Variants in LRIF1 observed in about 807,000 individuals in gnomAD.
LRIF1 encodes ligand-dependent nuclear receptor-interacting factor 1.
Under a neutral mutation model 52.7 loss-of-function variants are expected in LRIF1, and 32 were observed. That is an observed-to-expected ratio of 0.61 (90% CI 0.46 to 0.82). LRIF1 has a LOEUF of 0.82. Among genes scored for constraint, LRIF1 ranks in the 40% least tolerant of loss-of-function variants. The pLI is 0.00. For missense variants in LRIF1, 887 were observed against 892.0 expected (o/e 0.99, Z 0.07); for synonymous variants, 323 against 317.4 (o/e 1.02, Z -0.19).
chr1:110,954,826 G>C (rs1222177742), intron 1 of LRIF1, among the ~76,000 whole-genome samples: 1 of 152,160 alleles, frequency 6.6e-6, no homozygotes, highest in African/African-American at 2.4e-5. Flanking sequence ...AAGAGTAACA[G>C]TAGCCTCTGT....
the LRIF1 span, chr1:110,896,768 C>T: frequency 6.4e-7 from 1 of 1,568,728 alleles, no homozygotes; most frequent in South Asian, 1.1e-5. Context: ...TTATTGACCT[C>T]TTTGTTTAAA....
At chr1:110,919,364 T>C in the LRIF1 span, among the ~76,000 whole-genome samples, 1 of 152,176 alleles carries the variant, frequency 6.6e-6, no homozygotes, top group African/African-American at 2.4e-5. Flanking sequence ...ACTGGCCTAG[T>C]CTTCCAGCCT....
chr1:110,915,449 A>C, the LRIF1 span, among the ~76,000 whole-genome samples: 2 of 152,064 alleles, frequency 1.3e-5, no homozygotes, highest in South Asian at 4.2e-4. Flanking sequence ...GATAGCGCCA[A>C]TGCACTCCAG....
the LRIF1 span, among the ~76,000 whole-genome samples, chr1:110,897,242 G>A: frequency 6.6e-6 from 1 of 152,118 alleles, no homozygotes; most frequent in Middle Eastern, 3.2e-3. Flanking sequence ...CTCCAGAATA[G>A]GCTCTGAGAA....
At chr1:110,944,598 T>C (rs1432450055), downstream of LRIF1, 2 of 152,136 alleles carry the variant, frequency 1.3e-5, no homozygotes, top group East Asian at 1.9e-4. Context: ...GCAAGGAGAC[T>C]GAGAATGACT....
the LRIF1 span, among the ~76,000 whole-genome samples, chr1:110,882,179 T>C: frequency 3.3e-5 from 5 of 152,154 alleles, no homozygotes; most frequent in Non-Finnish European, 5.9e-5. Flanking sequence ...ACTCTTTGCA[T>C]AACCAAGGTT....
Position 110,952,342 on chromosome 1 carries a change from G to C in LRIF1, c.542C>G (p.Ser181Cys). The change falls in exon 2 of 4, where the codon TCT becomes TGT. Residue 181 changes from serine (S) to cysteine (C), a missense_variant. Transcript: ENST00000369763. ...PVTVKSPVLP[S>C]GHHLQIPAHA... ...GGCTGGAATCTGTAAATGATGCCCA[G>C]AAGGCAAAACTGGAGACTTCACAGT... 1 of 1,614,092 alleles carries C rather than the reference G, an allele frequency of 6.2e-7. No homozygotes were observed. The highest frequency in any genetic ancestry group is 8.5e-7 in the Non-Finnish European group (1 of 1,179,956).
Position 110,951,886 on chromosome 1 carries a change from T to A in LRIF1, c.998A>T (p.Asn333Ile). The change falls in exon 2 of 4, where the codon AAT becomes ATT. Residue 333 changes from asparagine (N) to isoleucine (I), a missense_variant. Asn to Ile is a moderately radical substitution (Grantham distance 149). Coordinates refer to ENST00000369763, the MANE Select transcript of LRIF1 (RefSeq NM_018372.4). ...DRKNLGDNTI[N>I]MPPLSTIDPS... ...ATCGATGGTACTCAATGGTGGCATA[T>A]TTATAGTATTATCTCCCAAATTTTT... 2 of 1,613,960 alleles carry A rather than the reference T, an allele frequency of 1.2e-6. No homozygotes were observed. The highest frequency in any genetic ancestry group is 2.2e-5 in the South Asian group (2 of 91,084).
chr1:110,909,765 G>A, the LRIF1 span, among the ~76,000 whole-genome samples: 1 of 151,856 alleles, frequency 6.6e-6, no homozygotes, highest in African/African-American at 2.4e-5. Flanking sequence ...ATTTTTAATA[G>A]TGACGGGGTT....
the LRIF1 span, chr1:110,936,485 TG>T: frequency 6.6e-6 from 1 of 152,170 alleles, no homozygotes; most frequent in Non-Finnish European, 1.5e-5. Context: ...GCTTTGTTTT[TG>T]CTTCTTTGTT....
At chr1:110,887,555 T>C in the LRIF1 span, among the ~76,000 whole-genome samples, 5 of 152,220 alleles carry the variant, frequency 3.3e-5, no homozygotes, top group Non-Finnish European at 5.9e-5. Flanking sequence ...CTTATTGAGC[T>C]TTGTTTTAGG....
chr1:110,891,704 T>TG, the LRIF1 span, among the ~76,000 whole-genome samples: 21 of 152,346 alleles, frequency 1.4e-4, no homozygotes, highest in South Asian at 4.1e-3. Flanking sequence ...TGTTTCTCTC[T>TG]GAGGGCTTTA....
At chr1:110,962,061 TACACACACACACACACACAC>T (rs59351644) in intron 1 of LRIF1, among the ~76,000 whole-genome samples, 7 of 143,894 alleles carry the variant, frequency 4.9e-5, no homozygotes, top group Admixed American at 1.4e-4. Context: ...GAGTTAAGGG[TACACACACACACACACACAC>T]ACACACACAC....
chr1:110,892,709 C>T, the LRIF1 span: 1 of 604,054 alleles, frequency 1.7e-6, no homozygotes, highest in East Asian at 2.8e-5. Context: ...TGACTAGGGT[C>T]CCACGGACAG....
intron 1 of LRIF1, among the ~76,000 whole-genome samples, chr1:110,962,067 C>CACAA (rs1553212111): frequency 6.7e-6 from 1 of 150,088 alleles, no homozygotes; most frequent in Non-Finnish European, 1.5e-5. Context: ...AGGGTACACA[C>CACAA]ACACACACAC....
the LRIF1 span, chr1:110,938,539 G>A: frequency 1.4e-4 from 22 of 152,082 alleles, no homozygotes; most frequent in Admixed American, 1.4e-3. Context: ...AAAGAACTTG[G>A]GATAGAAGGA....
the LRIF1 span, among the ~76,000 whole-genome samples, chr1:110,924,159 C>T: frequency 6.6e-6 from 1 of 151,698 alleles, no homozygotes; most frequent in Non-Finnish European, 1.5e-5. Flanking sequence ...TTTAAGTTAC[C>T]AAAAATATTT....
the LRIF1 span, among the ~76,000 whole-genome samples, chr1:110,896,214 C>T: frequency 2.6e-5 from 4 of 152,316 alleles, no homozygotes; most frequent in African/African-American, 7.2e-5. Flanking sequence ...CTCTGTCTCC[C>T]ATAAGCCCCA....
chr1:110,962,097 A>ACACACACAC, intron 1 of LRIF1, among the ~76,000 whole-genome samples: 1 of 86,390 alleles, frequency 1.2e-5, no homozygotes, highest in East Asian at 3.6e-4. Flanking sequence ...CACACACACA[A>ACACACACAC]AGTAAAGTTG....
Sources: gnomAD v4.1 joint callset for allele counts (sites outside exome capture counted in the v4.1 genomes callset) on GRCh38, gnomAD v4.1.1 for gene constraint, MANE v1.5 for transcripts, NCBI Gene and HGNC (gene_info 2026-07-23, HGNC 2026-07-21) for gene names.